Variants in PLCH1 observed in about 807,000 individuals in gnomAD.
PLCH1 encodes the protein 1-phosphatidylinositol 4,5-bisphosphate phosphodiesterase eta-1.
A neutral mutation model predicts 126.7 loss-of-function variants in PLCH1; 60 were observed. The observed-to-expected ratio is 0.47, with a 90% CI of 0.38 to 0.59. The LOEUF (loss-of-function observed/expected upper bound fraction) is 0.59, where lower values mean the gene tolerates loss of function less well. Among genes scored for constraint, PLCH1 ranks in the 20% least tolerant of loss-of-function variants. The probability of loss-of-function intolerance (pLI) is 0.00; values close to 1 mark genes in which losing one functional copy is unlikely to be tolerated. For missense variants in PLCH1, 1,723 were observed against 2,040.0 expected, an observed-to-expected ratio of 0.84 and a Z score of 2.99; for synonymous variants, 719 against 734.9, an observed-to-expected ratio of 0.98 and a Z score of 0.35.
chr3:155,495,016 A>C (rs914147470), intron 15 of PLCH1, among the ~76,000 whole-genome samples: 1 of 152,188 alleles, frequency 6.6e-6, no homozygotes, highest in South Asian at 2.1e-4. Flanking sequence ...ATAAAGGAAA[A>C]TGAACAATTA....
chr3:155,671,121 C>T (rs1021890725), intron 2 of PLCH1, among the ~76,000 whole-genome samples: 1 of 152,164 alleles, frequency 6.6e-6, no homozygotes, highest in African/African-American at 2.4e-5. Flanking sequence ...GCTGCAAGTC[C>T]AGGTTCCAAA....
chr3:155,590,061 T>C lies in PLCH1; in HGVS notation c.471-3867A>G, dbSNP rs184024758. ...CTGGATTTCTTCTAGTAAGTATGAG[T>C]ACTGCATCATGGCCATCACTCAGCA... On this transcript the variant is annotated intron_variant, in intron 4 of 22. Transcript: ENST00000460012. Among the ~76,000 whole-genome samples the C allele has an allele frequency of 1.9e-4, 29 of 152,290 alleles. 1 individual carries two copies. In the East Asian group the frequency reaches 5.0e-3, roughly 26 times the overall value.
In PLCH1 at chr3:155,583,712, T is replaced by A. The variant is rs533832732; in HGVS notation, c.601-70A>T. 156 of 1,090,146 alleles carry A rather than the reference T, an allele frequency of 1.4e-4. No individual in the cohort carries two copies. In the South Asian group the frequency reaches 2.5e-3, roughly 17 times the overall value. 67.5% of individuals were successfully genotyped at this position (1,090,146 alleles called of 1,614,324 possible). A position where few individuals can be genotyped will look rare whatever the true frequency, so the allele number is the denominator to read the frequency against. Reference sequence around the variant, plus strand: ...TAGGAAATTCAGTACTGGGAAATAATATTTACTATAAAAGAGCTAGTACAC... The same window carrying A: ...TAGGAAATTCAGTACTGGGAAATAAAATTTACTATAAAAGAGCTAGTACAC... On this transcript the variant is annotated intron_variant, in intron 5 of 22. Coordinates refer to ENST00000460012, the MANE Select transcript of PLCH1 (RefSeq NM_014996.4).
chr3:155,719,057 G>T (rs1747739521), intron 1 of PLCH1, among the ~76,000 whole-genome samples: 1 of 151,964 alleles, frequency 6.6e-6, no homozygotes, highest in South Asian at 2.1e-4. Flanking sequence ...GTGTTGTTTG[G>T]TTGCACGAAT....
chr3:155,511,380 T>C (rs1192055307), intron 12 of PLCH1, among the ~76,000 whole-genome samples: 11 of 122,954 alleles, frequency 8.9e-5, no homozygotes, highest in African/African-American at 4.9e-4. Context: ...CCATCCAGCT[T>C]TGTTCCGTTG....
chr3:155,695,884 G>A (rs561209656), intron 2 of PLCH1, among the ~76,000 whole-genome samples: 29 of 152,202 alleles, frequency 1.9e-4, no homozygotes, highest in South Asian at 8.3e-4. Context: ...GAATGCAAAC[G>A]TCAGTGTTTC....
chr3:155,533,372 C>A (rs1005594455), intron 10 of PLCH1, among the ~76,000 whole-genome samples: 4 of 151,978 alleles, frequency 2.6e-5, no homozygotes, highest in Non-Finnish European at 5.9e-5. Flanking sequence ...CATGGTGAAA[C>A]CCCGTTTCTA....
intron 21 of PLCH1, among the ~76,000 whole-genome samples, chr3:155,472,656 G>T (rs1214929118): frequency 7.3e-5 from 11 of 151,620 alleles, no homozygotes; most frequent in Non-Finnish European, 1.3e-4. Context: ...TATCCTTGAT[G>T]AACATTGATG....
At chr3:155,493,970 A>T (rs1560065776) in intron 17 of PLCH1, among the ~76,000 whole-genome samples, 171 bp downstream of exon 17, 1 of 152,224 alleles carries the variant, frequency 6.6e-6, no homozygotes, top group Non-Finnish European at 1.5e-5. Flanking sequence ...AGTAGTGGTG[A>T]CAAGAATTCT....
At position 155,514,866 on chromosome 3, in the gene PLCH1, G is replaced by A; in HGVS notation, c.1489C>T (p.His497Tyr). Residue 497 changes from histidine to tyrosine, a missense_variant, in exon 12 of 23, where the codon CAT (histidine) becomes TAT (tyrosine). By Grantham distance (83) the His-to-Tyr change is moderately conservative. Around this residue, in one of 2 missense-constraint regions of PLCH1, gnomAD observed 776 missense variants for 1,062.9 expected, o/e 0.73. Coordinates refer to ENST00000460012, the MANE Select transcript of PLCH1 (RefSeq NM_014996.4). Reference sequence around the variant, plus strand: ...TTCCTTATGAAAGATTCCACCTGATGCTCAGTGGTCCCATTACTCTGCAAA... The same window carrying A: ...TTCCTTATGAAAGATTCCACCTGATACTCAGTGGTCCCATTACTCTGCAAA... ...KLHYSNGTTEHQVESFIRKKL... is the reference protein window; with the variant it reads ...KLHYSNGTTEYQVESFIRKKL... The A allele has an allele frequency of 6.2e-7, 1 of 1,605,938 alleles. No individual in the cohort carries two copies. The highest frequency in any genetic ancestry group is 8.5e-7 in the Non-Finnish European group (1 of 1,174,948).
At chr3:155,561,254 G>A (rs1335421627) in intron 8 of PLCH1, among the ~76,000 whole-genome samples, 1 of 150,220 alleles carries the variant, frequency 6.7e-6, no homozygotes, top group Non-Finnish European at 1.5e-5. Flanking sequence ...CTAGCATTAG[G>A]TATATCTCCC....
chr3:155,742,985 T>C lies in PLCH1; in HGVS notation c.-41+1855A>G, dbSNP rs1167476551. On this transcript the variant is annotated intron_variant, in intron 1 of 22. Transcript: ENST00000460012. ...CCAAGGTATTTTATGCCACACTTTA[T>C]CCCAAGAAGAATAACTCCATTTTAA... The C allele has an allele frequency of 5.4e-5, 13 of 240,398 alleles. No individual in the cohort carries two copies. The South Asian group carries it at 5.5e-4, about 10-fold the overall frequency. The allele number at this position is 240,398 out of a possible 1,614,324, so 14.9% of individuals were successfully genotyped here. A position where few individuals can be genotyped will look rare whatever the true frequency, so the allele number is the denominator to read the frequency against.
At chr3:155,599,909 C>T (rs916801946) in intron 2 of PLCH1, among the ~76,000 whole-genome samples, 4 of 152,126 alleles carry the variant, frequency 2.6e-5, no homozygotes, top group Non-Finnish European at 4.4e-5. Flanking sequence ...TTAACAGGAA[C>T]GGTATATCTG....
At position 155,500,113 on chromosome 3, in the gene PLCH1, T is replaced by C. The variant is rs542833270; in HGVS notation, c.1796+590A>G. Among the ~76,000 whole-genome samples, 5 of 152,332 alleles carry C rather than the reference T, an allele frequency of 3.3e-5. No homozygotes were observed. In the South Asian group the frequency reaches 1.0e-3, roughly 32 times the overall value. The stretch of plus-strand genomic sequence containing the variant: ...AGGAACTCCTGTAATGAATCATGTG[T>C]CACGATTTGGATTCTGAAAATATGG... On this transcript the variant is annotated intron_variant, in intron 14 of 22. Coordinates refer to ENST00000460012, the MANE Select transcript of PLCH1 (RefSeq NM_014996.4).
At chr3:155,456,432 G>A (rs570508790) in intron 21 of PLCH1, among the ~76,000 whole-genome samples, 50 of 152,048 alleles carry the variant, frequency 3.3e-4, no homozygotes, top group African/African-American at 1.2e-3. Context: ...TAGCCCACAG[G>A]CCATGGGTTG....
intron 2 of PLCH1, among the ~76,000 whole-genome samples, chr3:155,628,051 G>A (rs1390276045): frequency 6.6e-6 from 1 of 152,054 alleles, no homozygotes; most frequent in African/African-American, 2.4e-5. Context: ...ACAGGTGTGA[G>A]CCACCACTCC....
At chr3:155,675,988 G>A in intron 2 of PLCH1, 2 of 1,457,490 alleles carry the variant, frequency 1.4e-6, no homozygotes, top group South Asian at 1.3e-5. Flanking sequence ...TTAGTAGTAT[G>A]AGTCTTACCT....
At chr3:155,610,218 G>A (rs1282646091) in intron 2 of PLCH1, among the ~76,000 whole-genome samples, 1 of 151,762 alleles carries the variant, frequency 6.6e-6, no homozygotes, top group Non-Finnish European at 1.5e-5. Flanking sequence ...AAAATTGGCC[G>A]GGCATGGTTG....
At chr3:155,499,879 T>C (rs1017284770) in intron 14 of PLCH1, among the ~76,000 whole-genome samples, 12 of 152,326 alleles carry the variant, frequency 7.9e-5, no homozygotes, top group Middle Eastern at 3.4e-3. Flanking sequence ...CCCTTCTAAT[T>C]AGTTACTATT....
Sources: allele counts gnomAD v4.1 joint callset (sites outside exome capture counted in the v4.1 genomes callset), GRCh38; gene constraint gnomAD v4.1.1; regional missense constraint gnomAD v4.1.1; transcripts MANE v1.5; gene names NCBI Gene and HGNC (gene_info 2026-07-23, HGNC 2026-07-21).